PLA2R1: variants seen among roughly 807,000 people sequenced by gnomAD.
The protein encoded by PLA2R1 is phospholipase A2 receptor 1, also known as secretory phospholipase A2 receptor.
In PLA2R1, 158 loss-of-function variants were observed where a neutral mutation model predicts 195.9. That is an observed-to-expected ratio of 0.81 (90% CI 0.71 to 0.92). The LOEUF (loss-of-function observed/expected upper bound fraction) is 0.92, where lower values mean the gene tolerates loss of function less well. PLA2R1 is among the 40% of genes least tolerant of loss of function. The probability of loss-of-function intolerance (pLI) is 0.00; values close to 1 mark genes in which losing one functional copy is unlikely to be tolerated. For missense variants in PLA2R1, 1,626 were observed against 1,764.6 expected (o/e 0.92, Z 1.41); for synonymous variants, 586 against 598.2 (o/e 0.98, Z 0.30).
chr2:160,026,540 A>G (rs1320943357), intron 6 of PLA2R1, among the ~76,000 whole-genome samples: 1 of 152,156 alleles, frequency 6.6e-6, no homozygotes, highest in Non-Finnish European at 1.5e-5. Context: ...TGTTTTGGAC[A>G]TTGGAGGGCA....
rs113364241 is a variant in PLA2R1, at chr2:159,955,619, TAAA to T, written c.3153+76_3153+78del. The T allele has an allele frequency of 1.1e-5, 7 of 655,900 alleles. No individual in the cohort carries two copies. In the South Asian group the frequency reaches 2.8e-4, roughly 26 times the overall value. The allele number at this position is 655,900 out of a possible 1,614,324, so 40.6% of individuals were successfully genotyped here. On this transcript the variant is annotated intron_variant, in intron 22 of 29. Coordinates refer to ENST00000283243, the MANE Select transcript of PLA2R1 (RefSeq NM_007366.5). Reference sequence around the variant, plus strand: ...ATTTATACCTACAAAATATAGGAAATAAAAAAAGCTTTAGTAAACAAATCTTGA... The same window carrying T: ...ATTTATACCTACAAAATATAGGAAATAAAAGCTTTAGTAAACAAATCTTGA...
intron 3 of PLA2R1, among the ~76,000 whole-genome samples, chr2:160,039,493 G>C (rs1378684771): frequency 6.6e-6 from 1 of 151,726 alleles, no homozygotes; most frequent in Non-Finnish European, 1.5e-5. Context: ...TTTAAATGTA[G>C]CATCATTTTA....
intron 11 of PLA2R1, among the ~76,000 whole-genome samples, chr2:159,989,592 C>T (rs1690618344): frequency 6.6e-6 from 1 of 152,166 alleles, no homozygotes; most frequent in African/African-American, 2.4e-5. Flanking sequence ...GTGAATTAAC[C>T]ACAATAGGCC....
At chr2:160,047,317 T>A (rs1198123009) in intron 1 of PLA2R1, among the ~76,000 whole-genome samples, 1 of 152,186 alleles carries the variant, frequency 6.6e-6, no homozygotes, top group African/African-American at 2.4e-5. Context: ...CACCACATAC[T>A]ACCATGAAAA....
intron 3 of PLA2R1, among the ~76,000 whole-genome samples, chr2:160,039,626 C>A (rs1694397158): frequency 6.6e-6 from 1 of 152,122 alleles, no homozygotes; most frequent in Non-Finnish European, 1.5e-5. Context: ...AAAGAGCTAT[C>A]AGCTTGCTCA....
At chr2:160,047,558 C>T (rs578181395) in intron 1 of PLA2R1, among the ~76,000 whole-genome samples, 2 of 152,198 alleles carry the variant, frequency 1.3e-5, no homozygotes, top group Non-Finnish European at 2.9e-5. Flanking sequence ...ACCACGCTAT[C>T]ATCTTTTATG....
intron 3 of PLA2R1, among the ~76,000 whole-genome samples, chr2:160,033,966 A>G (rs1171722616): frequency 6.6e-6 from 1 of 152,224 alleles, no homozygotes; most frequent in Admixed American, 6.5e-5. Flanking sequence ...GCTGAAGTCT[A>G]GGATGGCCTT....
At chr2:160,050,705 T>A (rs1474239678) in intron 1 of PLA2R1, among the ~76,000 whole-genome samples, 1 of 152,126 alleles carries the variant, frequency 6.6e-6, no homozygotes. Flanking sequence ...GAAGTCACAT[T>A]CTCCCTGGGA....
At chr2:160,046,748 T>G (rs909543329) in intron 1 of PLA2R1, among the ~76,000 whole-genome samples, 1 of 152,096 alleles carries the variant, frequency 6.6e-6, no homozygotes, top group Admixed American at 6.5e-5. Context: ...GGAAAATGAA[T>G]GGTTTTAGGG....
chr2:160,056,920 A>G (rs563099778), intron 1 of PLA2R1, among the ~76,000 whole-genome samples: 32 of 152,152 alleles, frequency 2.1e-4, no homozygotes, highest in Non-Finnish European at 3.2e-4. Flanking sequence ...CATGCTTCCA[A>G]CTATAGACAT....
intron 20 of PLA2R1, among the ~76,000 whole-genome samples, chr2:159,965,164 C>T (rs1688703422): frequency 6.6e-6 from 1 of 152,184 alleles, no homozygotes; most frequent in Non-Finnish European, 1.5e-5. Flanking sequence ...CATAACCACC[C>T]AAAGTCCATA....
intron 1 of PLA2R1, among the ~76,000 whole-genome samples, chr2:160,060,855 G>A (rs1403665776): frequency 1.3e-5 from 2 of 152,172 alleles, no homozygotes; most frequent in Non-Finnish European, 1.5e-5. Context: ...AAAATGCAAA[G>A]GAATAACCAC....
intron 3 of PLA2R1, among the ~76,000 whole-genome samples, chr2:160,036,064 G>A (rs1694146497): frequency 6.6e-6 from 1 of 151,990 alleles, no homozygotes; most frequent in Admixed American, 6.6e-5. Flanking sequence ...TTAAATGTTG[G>A]AGGCCTTAAG....
intron 10 of PLA2R1, among the ~76,000 whole-genome samples, chr2:160,012,390 A>G (rs1692421438): frequency 6.6e-6 from 1 of 152,084 alleles, no homozygotes; most frequent in African/African-American, 2.4e-5. Flanking sequence ...TTTATCCCCT[A>G]CAGGTATTAT....
intron 1 of PLA2R1, among the ~76,000 whole-genome samples, chr2:160,058,569 G>C (rs1183423073): frequency 1.5e-5 from 2 of 137,032 alleles, no homozygotes; most frequent in African/African-American, 7.2e-5. Flanking sequence ...CTTGCCCCCT[G>C]ATCATTTCCT....
At chr2:160,053,866 C>A (rs890824215) in intron 1 of PLA2R1, among the ~76,000 whole-genome samples, 1 of 152,210 alleles carries the variant, frequency 6.6e-6, no homozygotes, top group East Asian at 1.9e-4. Context: ...GGACATCATG[C>A]GCAGCACACA....
At chr2:159,977,208 G>C in intron 15 of PLA2R1, 76 bp downstream of exon 15, 1 of 1,048,112 alleles carries the variant, frequency 9.5e-7, no homozygotes, top group Non-Finnish European at 1.4e-6. Flanking sequence ...ATTGTGGTTT[G>C]GGGTGTTTAA....
intron 11 of PLA2R1, among the ~76,000 whole-genome samples, chr2:159,994,394 A>T (rs1691063134): frequency 6.6e-6 from 1 of 152,102 alleles, no homozygotes; most frequent in Non-Finnish European, 1.5e-5. Context: ...TCTATCAACC[A>T]ATTACAATGT....
intron 3 of PLA2R1, among the ~76,000 whole-genome samples, chr2:160,039,889 C>T (rs1694414500): frequency 6.6e-6 from 1 of 151,160 alleles, no homozygotes; most frequent in Admixed American, 6.6e-5. Flanking sequence ...GGGAAACTGT[C>T]ATTGGAAGTT....
Sources: allele counts gnomAD v4.1 joint callset (sites outside exome capture counted in the v4.1 genomes callset), GRCh38; gene constraint gnomAD v4.1.1; transcripts MANE v1.5; gene names NCBI Gene and HGNC (gene_info 2026-07-23, HGNC 2026-07-21).